The following PATJ variants were observed in gnomAD, a reference collection of about 807,000 sequenced individuals.
PATJ encodes PATJ crumbs cell polarity complex component.
Under a neutral mutation model 224.9 loss-of-function variants are expected in PATJ, and 190 were observed. That is an observed-to-expected ratio of 0.84 (90% CI 0.75 to 0.95). The LOEUF (loss-of-function observed/expected upper bound fraction) is 0.95, where lower values mean the gene tolerates loss of function less well. Ranked by LOEUF, PATJ falls within the 40% of genes least tolerant of loss-of-function variation. The probability of loss-of-function intolerance (pLI) is 0.00; values close to 1 mark genes in which losing one functional copy is unlikely to be tolerated. For synonymous variants in PATJ, 769 were observed against 820.3 expected (o/e 0.94, Z 1.07); for missense variants, 2,121 against 2,270.3 (o/e 0.93, Z 1.34).
At position 61,797,374 on chromosome 1, in the gene PATJ, G is replaced by A; in HGVS notation, c.1348G>A (p.Val450Ile). Residue 450 changes from valine (V) to isoleucine (I), a missense_variant, in exon 11 of 44, where the codon GTT becomes ATT. Val to Ile is a conservative substitution (Grantham distance 29). Transcript: ENST00000642238. ...NAGQVVHLTL[V>I]RRKTSSSTSP... ...AGGGCAGGTGGTACACCTAACCCTA[G>A]TTCGAAGGAAGACATCCTCATCTAC... 6.2e-7 allele frequency: 1 copy of A among 1,613,984 alleles called. No homozygotes were observed. The highest frequency in any genetic ancestry group is 8.5e-7 in the Non-Finnish European group (1 of 1,179,874).
At chr1:62,072,123 T>C (rs1657525833) in intron 31 of PATJ, among the ~76,000 whole-genome samples, 1 of 152,106 alleles carries the variant, frequency 6.6e-6, no homozygotes, top group Non-Finnish European at 1.5e-5. Flanking sequence ...TTCTGGTCAA[T>C]TTATTGGTGT....
intron 26 of PATJ, among the ~76,000 whole-genome samples, chr1:61,927,178 C>G (rs72914035): frequency 6.6e-6 from 1 of 152,116 alleles, no homozygotes; most frequent in African/African-American, 2.4e-5. Context: ...GAAGATATCT[C>G]TTTTTGAAAA....
At chr1:61,932,245 TTA>T (rs140610265) in intron 27 of PATJ, among the ~76,000 whole-genome samples, 19,083 of 152,144 alleles carry the variant, frequency 0.13, 1,630 homozygotes, top group Middle Eastern at 0.21. Context: ...GCATTTAGAA[TTA>T]GTTTCCAGGT....
chr1:61,832,577 C>T (rs1186418559), intron 16 of PATJ, among the ~76,000 whole-genome samples: 4 of 152,080 alleles, frequency 2.6e-5, no homozygotes, highest in Admixed American at 6.5e-5. Context: ...AAGAGAAACA[C>T]ACTCAAAGAT....
chr1:61,777,539 AAAAAT>A (rs1393283237), intron 7 of PATJ, among the ~76,000 whole-genome samples: 4 of 152,114 alleles, frequency 2.6e-5, no homozygotes, highest in South Asian at 4.1e-4. Flanking sequence ...TCTCAAGAAA[AAAAAT>A]AAAAACAAAA....
At chr1:61,978,336 G>A (rs1163518468) in intron 27 of PATJ, among the ~76,000 whole-genome samples, 5 of 150,156 alleles carry the variant, frequency 3.3e-5, no homozygotes, top group Admixed American at 1.3e-4. Context: ...TGCGATCTTG[G>A]CTCACTGCAA....
intron 27 of PATJ, among the ~76,000 whole-genome samples, chr1:61,989,283 T>G (rs1644934165): frequency 1.3e-5 from 2 of 152,186 alleles, no homozygotes; most frequent in Admixed American, 1.3e-4. Context: ...GTTGTTTAAT[T>G]TTCTCAACAT....
At chr1:62,129,141 T>C (rs1323791095) in intron 41 of PATJ, among the ~76,000 whole-genome samples, 196 bp downstream of exon 41, 1 of 152,236 alleles carries the variant, frequency 6.6e-6, no homozygotes, top group African/African-American at 2.4e-5. Context: ...AGCATGATTA[T>C]ATGAAAGCAT....
chr1:62,032,620 A>T (rs1470506597), intron 29 of PATJ, among the ~76,000 whole-genome samples: 1 of 152,254 alleles, frequency 6.6e-6, no homozygotes, highest in East Asian at 1.9e-4. Context: ...AACAAAGCAG[A>T]ATTCAAATCA....
chr1:62,128,267 G>A (rs1665929677), intron 40 of PATJ, 173 bp downstream of exon 40: 2 of 586,070 alleles, frequency 3.4e-6, no homozygotes, highest in East Asian at 2.9e-5. Flanking sequence ...AGGTCCCCAG[G>A]CACATAAAAA....
At chr1:61,850,623 A>T (rs1257198774) in intron 17 of PATJ, among the ~76,000 whole-genome samples, 1 of 152,242 alleles carries the variant, frequency 6.6e-6, no homozygotes, top group African/African-American at 2.4e-5. Context: ...TCAACATTTC[A>T]TTCATTTAGC....
chr1:61,943,795 A>G (rs1225295420), intron 27 of PATJ, among the ~76,000 whole-genome samples: 1 of 152,138 alleles, frequency 6.6e-6, no homozygotes, highest in Non-Finnish European at 1.5e-5. Context: ...CCTCAAGTGG[A>G]TCCCTGACCC....
chr1:62,106,428 G>C (rs903466156), intron 33 of PATJ, among the ~76,000 whole-genome samples: 1 of 151,304 alleles, frequency 6.6e-6, no homozygotes, highest in African/African-American at 2.4e-5. Flanking sequence ...CTATGATTGA[G>C]CCACTGCACT....
At chr1:61,755,261 A>T (rs1645572394) in intron 1 of PATJ, among the ~76,000 whole-genome samples, 2 of 150,718 alleles carry the variant, frequency 1.3e-5, no homozygotes, top group Admixed American at 1.3e-4. Flanking sequence ...GTGAACCGAG[A>T]TGGCGCCACT....
chr1:61,958,079 ATG>A (rs1680689509), intron 27 of PATJ, among the ~76,000 whole-genome samples: 1 of 152,228 alleles, frequency 6.6e-6, no homozygotes, highest in African/African-American at 2.4e-5. Context: ...ATATATGTAT[ATG>A]TATTTCTGTG....
intron 1 of PATJ, among the ~76,000 whole-genome samples, chr1:61,755,090 G>A (rs1459950176): frequency 5.3e-5 from 8 of 151,868 alleles, no homozygotes; most frequent in South Asian, 2.1e-4. Context: ...GGTTGGTCAC[G>A]AGGTCAGGAG....
intron 21 of PATJ, among the ~76,000 whole-genome samples, chr1:61,882,598 T>C (rs1484423291): frequency 3.3e-5 from 5 of 152,206 alleles, no homozygotes; most frequent in Admixed American, 1.3e-4. Flanking sequence ...CCTTTTGTTT[T>C]TGTTTTTGAT....
Position 62,017,841 on chromosome 1 carries a change from G to A in PATJ, c.3868-15G>A. ...GACATGTATAATTTAGTACATTGTGGTTTTTCCCAAACAGATAAACAATCA... is the reference window on the plus strand; with the variant it reads ...GACATGTATAATTTAGTACATTGTGATTTTTCCCAAACAGATAAACAATCA... On this transcript the variant is annotated splice_polypyrimidine_tract_variant and intron_variant, in intron 28 of 43. Coordinates refer to ENST00000642238, the MANE Select transcript of PATJ (RefSeq NM_001350145.3). 2.7e-6 allele frequency: 4 copies of A among 1,500,542 alleles called. No individual in the cohort carries two copies. Among genetic ancestry groups the A allele is most frequent in the Non-Finnish European group, 3.7e-6 (4 of 1,077,880 alleles). The allele number at this position is 1,500,542 out of a possible 1,614,324, so 93.0% of individuals were successfully genotyped here.
At chr1:62,109,828 G>C (rs144120274) in intron 34 of PATJ, among the ~76,000 whole-genome samples, 1 of 152,164 alleles carries the variant, frequency 6.6e-6, no homozygotes, top group Non-Finnish European at 1.5e-5. Context: ...CTTCACAGGT[G>C]TAAGTACCCA....
Sources: allele counts gnomAD v4.1 joint callset (sites outside exome capture counted in the v4.1 genomes callset), GRCh38; gene constraint gnomAD v4.1.1; transcripts MANE v1.5; gene names NCBI Gene and HGNC (gene_info 2026-07-23, HGNC 2026-07-21).